The following ABCB10 variants were observed in gnomAD, a reference collection of about 807,000 sequenced individuals.
ABCB10 encodes the protein ATP binding cassette subfamily B member 10, also known as ATP-binding cassette sub-family B member 10, mitochondrial.
ABCB10 carries 54 observed loss-of-function variants against 65.4 expected under a neutral mutation model. That is an observed-to-expected ratio of 0.83 (90% CI 0.66 to 1.04). ABCB10 has a LOEUF of 1.04. Ranked by LOEUF, ABCB10 falls within the 50% of genes least tolerant of loss-of-function variation. The pLI, the probability that ABCB10 is intolerant of heterozygous loss-of-function variation, is 0.00. For synonymous variants in ABCB10, 418 were observed against 406.5 expected (o/e 1.03, Z -0.34); for missense variants, 846 against 976.6 (o/e 0.87, Z 1.78).
intron 8 of ABCB10, among the ~76,000 whole-genome samples, chr1:229,529,321 A>AAAG (rs1248274401): frequency 7.0e-6 from 1 of 143,042 alleles, no homozygotes; most frequent in Non-Finnish European, 1.5e-5. Flanking sequence ...AAAAAAAAAA[A>AAAG]AAAAAAAAGA....
In ABCB10 at chr1:229,558,698, C is replaced by T. The variant is rs1194008510; in HGVS notation, c.-46G>A. 2.2e-5 allele frequency: 27 copies of T among 1,253,832 alleles called. No individual in the cohort carries two copies. The East Asian group carries it at 2.4e-4, about 11-fold the overall frequency. The allele number at this position is 1,253,832 out of a possible 1,614,324, so 77.7% of individuals were successfully genotyped here. A position where few individuals can be genotyped will look rare whatever the true frequency, so the allele number is the denominator to read the frequency against. ...CGCCTCAGCCCGCCGGCCAGGCGCG[C>T]GCAAAGCCCGAGGACCCTCCCGGCC... On this transcript the variant is annotated 5_prime_UTR_variant, in exon 1 of 13. Coordinates refer to ENST00000344517, the MANE Select transcript of ABCB10 (RefSeq NM_012089.3).
chr1:229,518,997 T>C (rs930454343), intron 11 of ABCB10, 122 bp from the exon 12 acceptor site: 8 of 747,212 alleles, frequency 1.1e-5, no homozygotes, highest in Non-Finnish European at 1.7e-5. Context: ...TGGAAACTTA[T>C]GCTAAGTGAA....
At chr1:229,523,134 A>T (rs895435833) in intron 10 of ABCB10, among the ~76,000 whole-genome samples, 1 of 152,212 alleles carries the variant, frequency 6.6e-6, no homozygotes, top group Non-Finnish European at 1.5e-5. Context: ...TGTCTTTTTA[A>T]GCTCAAATTC....
At position 229,527,246 on chromosome 1, in the gene ABCB10, T is replaced by A; in HGVS notation, c.1708A>T (p.Ile570Phe). 6.2e-7 allele frequency: 1 copy of A among 1,613,742 alleles called. No homozygotes were observed. Among genetic ancestry groups the A allele is most frequent in the Non-Finnish European group, 8.5e-7 (1 of 1,179,754 alleles). Residue 570 changes from isoleucine to phenylalanine, a missense_variant, in exon 9 of 13, where the codon ATT becomes TTT. Around this residue, in one of 2 missense-constraint regions of ABCB10, gnomAD observed 632 missense variants for 803.2 expected, o/e 0.79. Coordinates refer to ENST00000344517, the MANE Select transcript of ABCB10 (RefSeq NM_012089.3). Reference protein sequence around the residue: ...QLNPVWLRSKIGTVSQEPILF... With the variant: ...QLNPVWLRSKFGTVSQEPILF... ...CTTCTTACCTGACTCACTGTCCCAATTTTGGATCTCAGCCACACTGGGTTT... is the reference window on the plus strand; with the variant it reads ...CTTCTTACCTGACTCACTGTCCCAAATTTGGATCTCAGCCACACTGGGTTT...
At chr1:229,523,774 G>A (rs1286324535) in intron 10 of ABCB10, among the ~76,000 whole-genome samples, 1 of 152,162 alleles carries the variant, frequency 6.6e-6, no homozygotes, top group Non-Finnish European at 1.5e-5. Flanking sequence ...TGCAGAATCT[G>A]TGTCAAGGGA....
At chr1:229,521,534 A>G in intron 11 of ABCB10, 58 bp downstream of exon 11, 1 of 1,513,216 alleles carries the variant, frequency 6.6e-7, no homozygotes, top group Non-Finnish European at 8.9e-7. Flanking sequence ...ACAAATTACA[A>G]GGTCCCTAAT....
Position 229,525,931 on chromosome 1 carries a change from T to C in ABCB10, c.1906+5A>G, listed in dbSNP as rs1204245019. On this transcript the variant is annotated splice_donor_5th_base_variant and intron_variant, in intron 10 of 12. Transcript: ENST00000344517. ...ACTTTGCTACAAAGCAGTAAAGAAA[T>C]GCACCTGAGAGGAGAACACCCTTTT... The C allele has an allele frequency of 3.7e-6, 6 of 1,604,162 alleles. No individual in the cohort carries two copies. Among genetic ancestry groups the C allele is most frequent in the Admixed American group, 3.5e-5 (2 of 57,752 alleles).
chr1:229,542,216 C>G, intron 4 of ABCB10, 21 bp downstream of exon 4: 2 of 1,611,912 alleles, frequency 1.2e-6, no homozygotes, highest in Non-Finnish European at 1.7e-6. Context: ...GGAAACCACG[C>G]GGACAGGAAG....
At chr1:229,540,831 T>A in intron 4 of ABCB10, 79 bp from the exon 5 acceptor site, 1 of 1,460,078 alleles carries the variant, frequency 6.8e-7, no homozygotes, top group Non-Finnish European at 9.1e-7. Context: ...TAAAATGTGG[T>A]TCTCATTTTG....
chr1:229,552,573 A>T (rs528252271), intron 1 of ABCB10, among the ~76,000 whole-genome samples: 4 of 152,256 alleles, frequency 2.6e-5, no homozygotes, highest in Non-Finnish European at 5.9e-5. Context: ...GCTGGACAAC[A>T]GCGCTGGATA....
chr1:229,542,093 C>A, intron 4 of ABCB10, 144 bp downstream of exon 4: 130 of 1,091,834 alleles, frequency 1.2e-4, no homozygotes, highest in Middle Eastern at 6.5e-4. Flanking sequence ...GTTTAAGTTT[C>A]ATGGATCTTG....
intron 3 of ABCB10, among the ~76,000 whole-genome samples, chr1:229,545,879 C>T (rs971356391): frequency 1.3e-5 from 2 of 152,134 alleles, no homozygotes; most frequent in Non-Finnish European, 2.9e-5. Context: ...AGGATAAATA[C>T]TTTTGTGATG....
At position 229,540,724 on chromosome 1, in the gene ABCB10, C is replaced by G. The variant is rs1426583624; in HGVS notation, c.1085G>C (p.Arg362Thr). 1 of 1,613,498 alleles carries G rather than the reference C, an allele frequency of 6.2e-7. No homozygotes were observed. Residue 362 changes from arginine to threonine, a missense_variant, in exon 5 of 13, where the codon AGA becomes ACA. Physicochemically the swap from Arg to Thr is moderately conservative, Grantham distance 71. This residue lies in a region of ABCB10 where 632 missense variants were observed against 803.2 expected (regional missense o/e 0.79). Transcript: ENST00000344517. Reference sequence around the variant, plus strand: ...TTCTTTCCCAAAAGCTCGAACAGTTCTTACATTTCCAATACGTTCCTCAGC... The same window carrying G: ...TTCTTTCCCAAAAGCTCGAACAGTTGTTACATTTCCAATACGTTCCTCAGC... ...QLAEERIGNVRTVRAFGKEMT... is the reference protein window; with the variant it reads ...QLAEERIGNVTTVRAFGKEMT...
At chr1:229,541,648 T>C (rs926448995) in intron 4 of ABCB10, among the ~76,000 whole-genome samples, 2 of 152,082 alleles carry the variant, frequency 1.3e-5, no homozygotes, top group African/African-American at 2.4e-5. Flanking sequence ...CTATAACAAA[T>C]AGTGATAGTG....
chr1:229,547,587 T>C lies in ABCB10; in HGVS notation c.833A>G (p.Asp278Gly). 6.2e-7 allele frequency: 1 copy of C among 1,614,130 alleles called. No homozygotes were observed. The highest frequency in any genetic ancestry group is 8.5e-7 in the Non-Finnish European group (1 of 1,179,994). Residue 278 changes from aspartate to glycine, a missense_variant, in exon 3 of 13, where the codon GAC becomes GGC. Physicochemically the swap from Asp to Gly is moderately conservative, Grantham distance 94. Around this residue, in one of 2 missense-constraint regions of ABCB10, gnomAD observed 632 missense variants for 803.2 expected, o/e 0.79. Coordinates refer to ENST00000344517, the MANE Select transcript of ABCB10 (RefSeq NM_012089.3). ...CACTGAGCGCCCCAGGAGTGCAGTG[T>C]CTGATGAGAGGCGGTTAATCAATTC... ...TGELINRLSS[D>G]TALLGRSVTE... is the part of the protein sequence containing the mutation.
intron 8 of ABCB10, among the ~76,000 whole-genome samples, chr1:229,529,392 C>T (rs1464344175): frequency 5.6e-5 from 8 of 143,412 alleles, no homozygotes; most frequent in Non-Finnish European, 1.2e-4. Context: ...AATCACTGGC[C>T]AGGCACGGTG....
At chr1:229,534,736 T>A (rs189708245) in intron 6 of ABCB10, among the ~76,000 whole-genome samples, 6 of 151,726 alleles carry the variant, frequency 4.0e-5, no homozygotes, top group Admixed American at 3.3e-4. Context: ...CTGGACGCAG[T>A]GGCACGCACC....
At chr1:229,543,667 T>C (rs1662903223) in intron 3 of ABCB10, among the ~76,000 whole-genome samples, 2 of 151,748 alleles carry the variant, frequency 1.3e-5, no homozygotes, top group Non-Finnish European at 2.9e-5. Context: ...AATAAACAAG[T>C]AAAAGAAAGA....
intron 4 of ABCB10, 145 bp downstream of exon 4, chr1:229,542,092 T>C (rs1662863017): frequency 8.9e-7 from 1 of 1,127,024 alleles, no homozygotes; most frequent in Admixed American, 3.3e-5. Context: ...AGTTTAAGTT[T>C]CATGGATCTT....
Sources: allele counts gnomAD v4.1 joint callset (sites outside exome capture counted in the v4.1 genomes callset), GRCh38; gene constraint gnomAD v4.1.1; regional missense constraint gnomAD v4.1.1; transcripts MANE v1.5; gene names NCBI Gene and HGNC (gene_info 2026-07-23, HGNC 2026-07-21).